RAPGEF3: variants seen among roughly 807,000 people sequenced by gnomAD.
RAPGEF3 encodes the protein 9330170P05Rik.
RAPGEF3 carries 103 observed loss-of-function variants against 129.8 expected under a neutral mutation model. That is an observed-to-expected ratio of 0.79 (90% confidence interval 0.68 to 0.93). The LOEUF (loss-of-function observed/expected upper bound fraction) is 0.93, where lower values mean the gene tolerates loss of function less well. Ranked by LOEUF, RAPGEF3 falls within the 40% of genes least tolerant of loss-of-function variation. The probability of loss-of-function intolerance (pLI) is 0.00; values close to 1 mark genes in which losing one functional copy is unlikely to be tolerated. For missense variants in RAPGEF3, 1,117 were observed against 1,207.4 expected, an observed-to-expected ratio of 0.93 and a Z score of 1.11; for synonymous variants, 436 against 482.6, an observed-to-expected ratio of 0.90 and a Z score of 1.26.
In RAPGEF3 at chr12:47,740,713, G is replaced by C. The variant is rs575472779; in HGVS notation, c.2160C>G (p.Thr720=). The C allele has an allele frequency of 4.3e-6, 7 of 1,613,838 alleles. No homozygotes were observed. In the African/African-American group the frequency reaches 8.0e-5, roughly 18 times the overall value. ...RFNELQYWVA[T]ELCLCPVPGP... ...CGGGCACGGGGCAGAGACACAGCTC[G>C]GTGGCCACCCAGTACTGCAGCTCAT... is the stretch of plus-strand genomic sequence containing the variant. The change falls in exon 21 of 28, where the codon ACC becomes ACG. Residue 720 remains threonine (T), a synonymous_variant. Transcript: ENST00000449771.
At position 47,737,920 on chromosome 12, in the gene RAPGEF3, G is replaced by A. The variant is rs535302127; in HGVS notation, c.2653+102C>T. Reference sequence around the variant, plus strand: ...TATCAACATCATGTATGGAAGGGCCGGGCTCCGTGCCTGGCACATGGCAAG... The same window carrying A: ...TATCAACATCATGTATGGAAGGGCCAGGCTCCGTGCCTGGCACATGGCAAG... On this transcript the variant is annotated intron_variant, in intron 27 of 27. Transcript: ENST00000449771. 3,673 of 1,415,076 alleles carry A rather than the reference G, an allele frequency of 2.6e-3. 10 individuals are homozygous for A. The highest frequency in any genetic ancestry group is 5.5e-3 in the South Asian group (449 of 82,376). The allele number at this position is 1,415,076 out of a possible 1,614,324, so 87.7% of individuals were successfully genotyped here.
chr12:47,753,902 G>A (rs1941903317), intron 2 of RAPGEF3: 1 of 152,276 alleles, frequency 6.6e-6, no homozygotes, highest in Non-Finnish European at 1.5e-5. Context: ...TCCTCCCCCA[G>A]GGGATGAGGA....
intron 17 of RAPGEF3, 101 bp downstream of exon 17, chr12:47,743,886 C>T: frequency 7.1e-7 from 1 of 1,410,806 alleles, no homozygotes; most frequent in Non-Finnish European, 9.9e-7. Flanking sequence ...GCCACCTTGG[C>T]CCAGGCACAC....
At chr12:47,747,671 C>T (rs949529484) in intron 14 of RAPGEF3, 41 bp downstream of exon 14, 17 of 1,612,192 alleles carry the variant, frequency 1.1e-5, no homozygotes, top group Non-Finnish European at 1.4e-5. Context: ...GCTGCATCCA[C>T]CCCGGGCAGC....
At position 47,737,581 on chromosome 12, in the gene RAPGEF3, C is replaced by G; in HGVS notation, c.2758G>C (p.Glu920Gln). The change falls in exon 28 of 28, where the codon GAG becomes CAG. Residue 920 changes from glutamate (E) to glutamine (Q), a missense_variant. Coordinates refer to ENST00000449771, the MANE Select transcript of RAPGEF3 (RefSeq NM_001098531.4). ...CCAGCCCCTCCTCATGGCTCCAGCTCTCGGGAGAGGCGGGAGAGTTCCCGC... is the reference window on the plus strand; with the variant it reads ...CCAGCCCCTCCTCATGGCTCCAGCTGTCGGGAGAGGCGGGAGAGTTCCCGC... ...NQRELSRLSRELEP is the reference protein window; with the variant it reads ...NQRELSRLSRQLEP 1 of 1,612,464 alleles carries G rather than the reference C, an allele frequency of 6.2e-7. No individual in the cohort carries two copies. Among genetic ancestry groups the G allele is most frequent in the East Asian group, 2.2e-5 (1 of 44,824 alleles).
chr12:47,739,870 C>T, intron 23 of RAPGEF3: 2 of 554,620 alleles, frequency 3.6e-6, no homozygotes, highest in Non-Finnish European at 3.2e-6. Context: ...ATGCTCCAGC[C>T]CAGTCTTCAC....
Position 47,749,024 on chromosome 12 carries a change from G to A in RAPGEF3, c.1042-93C>T. The A allele has an allele frequency of 8.9e-7, 1 of 1,128,886 alleles. No homozygotes were observed. Among genetic ancestry groups the A allele is most frequent in the Non-Finnish European group, 1.3e-6 (1 of 754,166 alleles). The allele number at this position is 1,128,886 out of a possible 1,614,324, so 69.9% of individuals were successfully genotyped here. Reference sequence around the variant, plus strand: ...CTTCATTCCAGCCCCTGAGCCCCATGAGGGTCCCACAGGGACCCACAGCCC... The same window carrying A: ...CTTCATTCCAGCCCCTGAGCCCCATAAGGGTCCCACAGGGACCCACAGCCC... On this transcript the variant is annotated intron_variant, in intron 10 of 27. Transcript: ENST00000449771. This position sits in a 1 kb window ranked among gnomAD's most constrained non-coding sequence, Gnocchi z 4.5.
rs1592536664 is a variant in RAPGEF3, at chr12:47,740,176, C to T, written c.2338G>A (p.Val780Ile). 1 of 1,613,692 alleles carries T rather than the reference C, an allele frequency of 6.2e-7. No homozygotes were observed. The change falls in exon 23 of 28, where the codon GTC (valine) becomes ATC (isoleucine). Residue 780 changes from valine to isoleucine, a missense_variant. By Grantham distance (29) the Val-to-Ile change is conservative. Coordinates refer to ENST00000449771, the MANE Select transcript of RAPGEF3 (RefSeq NM_001098531.4). Reference sequence around the variant, plus strand: ...TCGAGGGCGGAGTACAGCTTCCGGACTTTGTGAGGCAGCCGCTGTGAAAAG... The same window carrying T: ...TCGAGGGCGGAGTACAGCTTCCGGATTTTGTGAGGCAGCCGCTGTGAAAAG... ...AHTWERLPHKVRKLYSALERL... is the reference protein window; with the variant it reads ...AHTWERLPHKIRKLYSALERL...
chr12:47,740,430 G>C, intron 21 of RAPGEF3, 35 bp from the exon 22 acceptor site: 1 of 1,599,112 alleles, frequency 6.3e-7, no homozygotes. Flanking sequence ...CTCAGGGTAA[G>C]GGAAGCAGCC....
chr12:47,753,280 A>G (rs1032332131), intron 2 of RAPGEF3, among the ~76,000 whole-genome samples: 1 of 152,142 alleles, frequency 6.6e-6, no homozygotes, highest in Admixed American at 6.5e-5. Flanking sequence ...GGAGAAGTTC[A>G]AGTTCCCACC....
intron 18 of RAPGEF3, among the ~76,000 whole-genome samples, chr12:47,742,834 T>C (rs1941236680): frequency 1.3e-5 from 2 of 152,164 alleles, no homozygotes; most frequent in Admixed American, 1.3e-4. Context: ...GAGTCCACCG[T>C]CTATGCTCTT....
At chr12:47,747,192 C>T (rs952072691) in intron 15 of RAPGEF3, among the ~76,000 whole-genome samples, 3 of 152,146 alleles carry the variant, frequency 2.0e-5, no homozygotes, top group African/African-American at 7.2e-5. Context: ...CTCAGCTGCT[C>T]CCGTGGGAAT....
chr12:47,742,432 G>A (rs984763530), intron 18 of RAPGEF3: 1 of 152,236 alleles, frequency 6.6e-6, no homozygotes, highest in Admixed American at 6.5e-5. Flanking sequence ...CCCAGGGCAG[G>A]GCACACAGGT....
intron 21 of RAPGEF3, 36 bp downstream of exon 21, chr12:47,740,606 C>A: frequency 1.2e-6 from 2 of 1,604,594 alleles, no homozygotes; most frequent in Non-Finnish European, 8.5e-7. Flanking sequence ...GCCGGGGGGA[C>A]TCTGGCCACG....
intron 1 of RAPGEF3, 52 bp from the exon 2 acceptor site, chr12:47,758,130 G>A (rs1427831257): frequency 6.5e-7 from 1 of 1,527,348 alleles, no homozygotes; most frequent in Admixed American, 2.0e-5. Flanking sequence ...TGGGGCGGCT[G>A]GGCCACAGTA....
In RAPGEF3 at chr12:47,737,602, C is replaced by T. The variant is rs1940856516; in HGVS notation, c.2737G>A (p.Glu913Lys). 6.2e-7 allele frequency: 1 copy of T among 1,603,888 alleles called. No homozygotes were observed. Among genetic ancestry groups the T allele is most frequent in the Non-Finnish European group, 8.5e-7 (1 of 1,176,116 alleles). The change falls in exon 28 of 28, where the codon GAA (glutamate) becomes AAA (lysine). Residue 913 changes from glutamate to lysine, a missense_variant. Coordinates refer to ENST00000449771, the MANE Select transcript of RAPGEF3 (RefSeq NM_001098531.4). ...QQLKVIDNQR[E>K]LSRLSRELEP is the part of the protein sequence containing the mutation. Reference sequence around the variant, plus strand: ...AGCTCTCGGGAGAGGCGGGAGAGTTCCCGCTGGTTGTCAATGACCTTCAGC... The same window carrying T: ...AGCTCTCGGGAGAGGCGGGAGAGTTTCCGCTGGTTGTCAATGACCTTCAGC...
At chr12:47,742,620 C>T (rs187558579) in intron 18 of RAPGEF3, among the ~76,000 whole-genome samples, 10 of 152,298 alleles carry the variant, frequency 6.6e-5, no homozygotes, top group East Asian at 1.9e-4. Context: ...CTCCTGAGCC[C>T]GCCATGTTCT....
rs369977978 is a variant in RAPGEF3 at position 47,738,009 on chromosome 12, G to A, written c.2653+13C>T. ...ACCCCCTCCCTGCCCACCCACCATC[G>A]CCCACCACTTACATGTGGAAATCCT... On this transcript the variant is annotated intron_variant, in intron 27 of 27. Coordinates refer to ENST00000449771, the MANE Select transcript of RAPGEF3 (RefSeq NM_001098531.4). The A allele has an allele frequency of 7.1e-5, 90 of 1,272,238 alleles. No homozygotes were observed. The highest frequency in any genetic ancestry group is 9.4e-5 in the Non-Finnish European group (87 of 921,638). The allele number at this position is 1,272,238 out of a possible 1,614,324, so 78.8% of individuals were successfully genotyped here. A position where few individuals can be genotyped will look rare whatever the true frequency, so the allele number is the denominator to read the frequency against.
chr12:47,747,011 A>G (rs1412248236), intron 15 of RAPGEF3, 112 bp from the exon 16 acceptor site: 1 of 1,007,902 alleles, frequency 9.9e-7, no homozygotes, highest in East Asian at 2.7e-5. Flanking sequence ...TTCAGAGGTA[A>G]GCACGACCAG....
Sources: gnomAD v4.1 joint callset for allele counts (sites outside exome capture counted in the v4.1 genomes callset) on GRCh38, gnomAD v4.1.1 for gene constraint, Gnocchi (gnomAD v3.1) non-coding constraint, MANE v1.5 for transcripts, NCBI Gene and HGNC (gene_info 2026-07-23, HGNC 2026-07-21) for gene names.